The following ARFRP1 variants were observed in gnomAD, a reference collection of about 807,000 sequenced individuals.
ARFRP1 encodes the protein ADP-ribosylation factor-related protein 1.
Under a neutral mutation model 30.3 loss-of-function variants are expected in ARFRP1, and 19 were observed. That is an observed-to-expected ratio of 0.63 (90% CI 0.44 to 0.92). The LOEUF is 0.92. Among genes scored for constraint, ARFRP1 ranks in the 40% least tolerant of loss-of-function variants. The pLI is 0.00. For synonymous variants in ARFRP1, 133 were observed against 114.2 expected (o/e 1.16, Z -1.05); for missense variants, 245 against 267.5 (o/e 0.92, Z 0.59).
chr20:63,705,663 G>GTCCCCACATCTGGTCTTTGCCA (rs775155270), intron 4 of ARFRP1: 4 of 533,114 alleles, frequency 7.5e-6, no homozygotes, highest in South Asian at 4.2e-5. Flanking sequence ...CCATCCTGCC[G>GTCCCCACATCTGGTCTTTGCCA]TCCCCACATC....
intron 6 of ARFRP1, chr20:63,701,132 C>T: frequency 2.3e-6 from 1 of 427,214 alleles, no homozygotes; most frequent in South Asian, 1.7e-5. Flanking sequence ...CCTGCCCAGT[C>T]TTCAAAAAGC....
At chr20:63,702,568 A>AGT (rs2091266386) in intron 4 of ARFRP1, 1 of 327,596 alleles carries the variant, frequency 3.1e-6, no homozygotes, top group Non-Finnish European at 5.9e-6. Flanking sequence ...TGGGCAACAC[A>AGT]GTGAGACTCC....
In ARFRP1 at chr20:63,698,819, G is replaced by A; in HGVS notation, c.*1624C>T. The A allele has an allele frequency of 2.6e-6, 1 of 382,382 alleles. No homozygotes were observed. Among genetic ancestry groups the A allele is most frequent in the South Asian group, 6.2e-5 (1 of 16,070 alleles). 23.7% of individuals were successfully genotyped at this position (382,382 alleles called of 1,614,324 possible). A position where few individuals can be genotyped will look rare whatever the true frequency, so the allele number is the denominator to read the frequency against. ...CCTACCTCAGACAGACCCTCCCTGG[G>A]AGGATCAGTGGGGAGTGCCACCTCT... On this transcript the variant is annotated 3_prime_UTR_variant, in exon 8 of 8. Coordinates refer to ENST00000622789, the MANE Select transcript of ARFRP1 (RefSeq NM_001267547.3).
intron 4 of ARFRP1, chr20:63,705,607 C>A (rs1312909436): frequency 1.9e-6 from 1 of 523,406 alleles, no homozygotes; most frequent in Non-Finnish European, 3.9e-6. Flanking sequence ...CATGGAAGAA[C>A]AAATGTTAAG....
chr20:63,706,468 C>T lies in ARFRP1; in HGVS notation c.182-29G>A, dbSNP rs768102583. 6 of 1,608,074 alleles carry T rather than the reference C, an allele frequency of 3.7e-6. 1 individual carries two copies. The South Asian group carries it at 6.6e-5, about 18-fold the overall frequency. ...GGGAGAGGAGGAAACAGGCAAGGCT[C>T]ATGACCTTGGTCCTCGACACACCCA... On this transcript the variant is annotated intron_variant, in intron 3 of 7. Transcript: ENST00000622789.
intron 4 of ARFRP1, chr20:63,703,454 A>C (rs2091306504): frequency 1.3e-5 from 2 of 152,334 alleles, no homozygotes; most frequent in South Asian, 4.2e-4. Flanking sequence ...AGGAGGCCCA[A>C]GGCCAGGCGC....
At chr20:63,702,419 C>G (rs1288019188) in intron 4 of ARFRP1, 1 of 587,688 alleles carries the variant, frequency 1.7e-6, no homozygotes, top group African/African-American at 1.9e-5. Flanking sequence ...CTCCTGAGAA[C>G]CTGCCGGCAA....
chr20:63,703,276 A>T (rs537599884), intron 4 of ARFRP1: 1 of 152,266 alleles, frequency 6.6e-6, no homozygotes, highest in Non-Finnish European at 1.5e-5. Context: ...CGAAATCCTT[A>T]GGGTGTCTGA....
At chr20:63,702,001 C>T (rs1007953268) in intron 5 of ARFRP1, 101 bp from the exon 6 acceptor site, 6 of 286,146 alleles carry the variant, frequency 2.1e-5, no homozygotes, top group African/African-American at 7.8e-5. Context: ...TCCCTCTGCC[C>T]CCCCCCCCCC....
chr20:63,706,320 G>A (rs369464988), intron 4 of ARFRP1, 37 bp downstream of exon 4: 7 of 1,581,722 alleles, frequency 4.4e-6, no homozygotes, highest in African/African-American at 2.7e-5. Context: ...GGCACTGGAG[G>A]GCTGGGGTGG....
rs527250698 is a variant in ARFRP1, at chr20:63,700,724, G to T, written c.418-22C>A. ...ACGTCTGGGGGAGGTAAGGCCGTGA[G>T]GAGCAGCCCCCACGTCTGGCCCTGT... is the stretch of plus-strand genomic sequence containing the variant. On this transcript the variant is annotated intron_variant, in intron 6 of 7. Coordinates refer to ENST00000622789, the MANE Select transcript of ARFRP1 (RefSeq NM_001267547.3). The T allele has an allele frequency of 2.5e-6, 4 of 1,607,890 alleles. No individual in the cohort carries two copies. The Admixed American group carries it at 6.7e-5, about 27-fold the overall frequency.
chr20:63,702,937 G>A (rs766197989), intron 4 of ARFRP1: 15 of 152,510 alleles, frequency 9.8e-5, no homozygotes, highest in Non-Finnish European at 1.9e-4. Context: ...TCTGCAGCCT[G>A]GGCTGGTCAG....
intron 4 of ARFRP1, chr20:63,704,649 TAAG>T (rs2091371932): frequency 6.6e-6 from 1 of 152,254 alleles, no homozygotes; most frequent in African/African-American, 2.4e-5. Context: ...AGTTTCGCCT[TAAG>T]AGAGGCCCTC....
intron 6 of ARFRP1, chr20:63,701,387 A>T (rs2091198093): frequency 3.8e-6 from 2 of 532,470 alleles, no homozygotes; most frequent in Non-Finnish European, 7.6e-6. Context: ...GGCACCTCAG[A>T]GGGGTCTTGA....
intron 6 of ARFRP1, 86 bp downstream of exon 6, chr20:63,701,744 G>T: frequency 7.8e-7 from 1 of 1,277,754 alleles, no homozygotes; most frequent in Non-Finnish European, 1.1e-6. Flanking sequence ...CTGGGCCTGG[G>T]GTGTCTGGGT....
At chr20:63,702,003 C>CCG in intron 5 of ARFRP1, 103 bp from the exon 6 acceptor site, 2 of 669,524 alleles carry the variant, frequency 3.0e-6, no homozygotes, top group South Asian at 2.1e-5. Flanking sequence ...CCTCTGCCCC[C>CCG]CCCCCCCCCG....
chr20:63,704,156 A>G (rs1284964073), intron 4 of ARFRP1: 2 of 152,288 alleles, frequency 1.3e-5, no homozygotes, highest in Non-Finnish European at 2.9e-5. Flanking sequence ...GACGAGGCCA[A>G]TTCGCAATGA....
At position 63,701,918 on chromosome 20, in the gene ARFRP1, G is replaced by A. The variant is rs1555820968; in HGVS notation, c.347-18C>T. 3 of 1,549,112 alleles carry A rather than the reference G, an allele frequency of 1.9e-6. No individual in the cohort carries two copies. The highest frequency in any genetic ancestry group is 2.6e-6 in the Non-Finnish European group (3 of 1,146,576). On this transcript the variant is annotated intron_variant, in intron 5 of 7. Transcript: ENST00000622789. ...CACCTTCTCTGGGGAGGGCAGGAGA[G>A]GCAGCGCCTCACACCCAGCATCCTG...
chr20:63,701,752 G>C, intron 6 of ARFRP1, 78 bp downstream of exon 6: 1 of 1,373,926 alleles, frequency 7.3e-7, no homozygotes, highest in Admixed American at 2.0e-5. Flanking sequence ...GGGGTGTCTG[G>C]GTGCACACCT....
Sources: allele counts gnomAD v4.1 joint callset, GRCh38; gene constraint gnomAD v4.1.1; transcripts MANE v1.5; gene names NCBI Gene and HGNC (gene_info 2026-07-23, HGNC 2026-07-21).